MPHOSPH10: variants seen among roughly 807,000 people sequenced by gnomAD.
The protein encoded by MPHOSPH10 is U3 small nucleolar ribonucleoprotein MPP10.
Under a neutral mutation model 77.3 loss-of-function variants are expected in MPHOSPH10, and 33 were observed. The observed-to-expected ratio is 0.43, with a 90% confidence interval of 0.32 to 0.57. The LOEUF is 0.57. Ranked by LOEUF, MPHOSPH10 falls within the 20% of genes least tolerant of loss-of-function variation. The pLI is 0.07. For synonymous variants in MPHOSPH10, 245 were observed against 268.0 expected (o/e 0.91, Z 0.84); for missense variants, 708 against 780.1 (o/e 0.91, Z 1.10).
chr2:71,137,913 G>A (rs1321175673), intron 4 of MPHOSPH10, among the ~76,000 whole-genome samples: 1 of 152,054 alleles, frequency 6.6e-6, no homozygotes, highest in East Asian at 1.9e-4. Context: ...AGCACTTGGT[G>A]AAACCCCGTC....
At position 71,133,988 on chromosome 2, in the gene MPHOSPH10, T is replaced by C. The variant is rs1673437931; in HGVS notation, c.809T>C (p.Phe270Ser). ...SSRNLKYKDF[F>S]DPVESDEDIT... ...AGAAATCTGAAATACAAAGATTTTT[T>C]TGATCCAGTTGAAAGTGATGAAGAC... The change falls in exon 3 of 11, where the codon TTT becomes TCT. Residue 270 changes from phenylalanine to serine, a missense_variant. Around this residue, in one of 3 missense-constraint regions of MPHOSPH10, gnomAD observed 433 missense variants for 432.6 expected, o/e 1.00. Coordinates refer to ENST00000244230, the MANE Select transcript of MPHOSPH10 (RefSeq NM_005791.3). 1.3e-6 allele frequency: 2 copies of C among 1,591,130 alleles called. No individual in the cohort carries two copies. The highest frequency in any genetic ancestry group is 4.5e-5 in the East Asian group (2 of 44,408).
At chr2:71,138,758 G>A in intron 5 of MPHOSPH10, 127 bp downstream of exon 5, 1 of 1,325,860 alleles carries the variant, frequency 7.5e-7, no homozygotes, top group Non-Finnish European at 1.1e-6. Flanking sequence ...CACATGGCTT[G>A]GCATGGTAGC....
chr2:71,147,068 T>G (rs1673727398), intron 8 of MPHOSPH10, among the ~76,000 whole-genome samples: 2 of 152,146 alleles, frequency 1.3e-5, no homozygotes, highest in African/African-American at 4.8e-5. Flanking sequence ...TTTGATACTG[T>G]TTGAGTTTTT....
intron 1 of MPHOSPH10, 85 bp downstream of exon 1, chr2:71,130,839 G>A: frequency 2.3e-6 from 3 of 1,304,788 alleles, no homozygotes; most frequent in Non-Finnish European, 2.1e-6. Flanking sequence ...TGTGGAGCTG[G>A]GGGAAGGTAA....
At chr2:71,142,764 T>C (rs560453343) in intron 7 of MPHOSPH10, among the ~76,000 whole-genome samples, 1 of 152,204 alleles carries the variant, frequency 6.6e-6, no homozygotes, top group Non-Finnish European at 1.5e-5. Flanking sequence ...GATGCCTGAC[T>C]ATGGCTGGAA....
chr2:71,146,461 G>A (rs1330350201), intron 8 of MPHOSPH10, among the ~76,000 whole-genome samples: 4 of 148,278 alleles, frequency 2.7e-5, no homozygotes, highest in Admixed American at 6.9e-5. Flanking sequence ...TCGGCCTCCC[G>A]AGTAGCTGGG....
chr2:71,143,137 C>CT (rs1558755879), intron 7 of MPHOSPH10, among the ~76,000 whole-genome samples: 1 of 149,696 alleles, frequency 6.7e-6, no homozygotes, highest in South Asian at 2.1e-4. Context: ...CACTTTACTT[C>CT]TTTTTTTTCT....
At chr2:71,141,553 A>G (rs767440901) in intron 7 of MPHOSPH10, among the ~76,000 whole-genome samples, 184 bp downstream of exon 7, 1 of 152,190 alleles carries the variant, frequency 6.6e-6, no homozygotes, top group Non-Finnish European at 1.5e-5. Context: ...TGAGGGGTTG[A>G]GGGGGGTTGC....
chr2:71,147,678 A>G (rs1230110562), intron 8 of MPHOSPH10, among the ~76,000 whole-genome samples: 1 of 135,744 alleles, frequency 7.4e-6, no homozygotes, highest in African/African-American at 3.3e-5. Flanking sequence ...GTCTCAAAAG[A>G]AAAAAAAAAA....
chr2:71,147,415 T>C (rs535752714), intron 8 of MPHOSPH10, among the ~76,000 whole-genome samples: 1 of 152,332 alleles, frequency 6.6e-6, no homozygotes, highest in East Asian at 1.9e-4. Flanking sequence ...GGCTCATGCC[T>C]GTAATCCCAG....
intron 8 of MPHOSPH10, among the ~76,000 whole-genome samples, chr2:71,146,434 T>C (rs1022145170): frequency 6.6e-6 from 1 of 151,232 alleles, no homozygotes; most frequent in Non-Finnish European, 1.5e-5. Context: ...CTCCCAAGTT[T>C]AAGCGATTCT....
At chr2:71,134,545 T>G in intron 3 of MPHOSPH10, 81 bp from the exon 4 acceptor site, 3 of 1,358,864 alleles carry the variant, frequency 2.2e-6, no homozygotes. Context: ...AATAAGAACT[T>G]TATTAAGGGA....
At chr2:71,138,383 G>C (rs1243312596) in intron 4 of MPHOSPH10, 107 bp from the exon 5 acceptor site, 2 of 888,034 alleles carry the variant, frequency 2.3e-6, no homozygotes, top group Non-Finnish European at 3.4e-6. Flanking sequence ...CAGAATCGTA[G>C]AACAGTACGT....
At chr2:71,147,169 G>T (rs978075976) in intron 8 of MPHOSPH10, among the ~76,000 whole-genome samples, 1 of 152,114 alleles carries the variant, frequency 6.6e-6, no homozygotes, top group African/African-American at 2.4e-5. Context: ...TCTTGTTCCC[G>T]TAAGCATCTT....
chr2:71,133,645 G>T (rs756024946), intron 2 of MPHOSPH10, 69 bp downstream of exon 2: 9 of 1,422,152 alleles, frequency 6.3e-6, no homozygotes, highest in South Asian at 4.3e-5. Flanking sequence ...TTCTAGGAGA[G>T]ATTTAATTGT....
intron 4 of MPHOSPH10, among the ~76,000 whole-genome samples, chr2:71,136,128 A>G (rs942559979): frequency 1.3e-5 from 2 of 152,182 alleles, no homozygotes; most frequent in Admixed American, 1.3e-4. Flanking sequence ...TTGTGTCATG[A>G]TTTCAGACAA....
chr2:71,139,116 T>C, intron 5 of MPHOSPH10: 1 of 191,034 alleles, frequency 5.2e-6, no homozygotes, highest in Non-Finnish European at 1.1e-5. Context: ...GCTATTCAAT[T>C]GGATTCACCA....
chr2:71,133,385 A>G lies in MPHOSPH10; in HGVS notation c.577A>G (p.Lys193Glu). ...QSKVQNKGQG[K>E]PREKSIVDDK... ...CAAGGTGCAAAACAAAGGACAGGGA[A>G]AACCAAGAGAAAAGTCCATAGTAGA... The change falls in exon 2 of 11, where the codon AAA becomes GAA. Residue 193 changes from lysine to glutamate, a missense_variant. Lys to Glu is a moderately conservative substitution (Grantham distance 56). Around this residue, in one of 3 missense-constraint regions of MPHOSPH10, gnomAD observed 433 missense variants for 432.6 expected, o/e 1.00. Transcript: ENST00000244230. The G allele has an allele frequency of 6.2e-7, 1 of 1,614,170 alleles. No homozygotes were observed. Among genetic ancestry groups the G allele is most frequent in the Non-Finnish European group, 8.5e-7 (1 of 1,180,004 alleles).
At chr2:71,130,901 G>A (rs1211453791) in intron 1 of MPHOSPH10, 147 bp downstream of exon 1, 4 of 725,676 alleles carry the variant, frequency 5.5e-6, no homozygotes, top group Non-Finnish European at 8.8e-6. Context: ...TGCTTTCCTA[G>A]GCTATCAAAA....
Sources: gnomAD v4.1 joint callset for allele counts (sites outside exome capture counted in the v4.1 genomes callset) on GRCh38, gnomAD v4.1.1 for gene constraint, gnomAD v4.1.1 regional missense constraint, MANE v1.5 for transcripts, NCBI Gene and HGNC (gene_info 2026-07-23, HGNC 2026-07-21) for gene names.